THSD7A: variants seen among roughly 807,000 people sequenced by gnomAD.
The protein encoded by THSD7A is thrombospondin type 1 domain containing 7A.
THSD7A carries 96 observed loss-of-function variants against 231.3 expected under a neutral mutation model. That is an observed-to-expected ratio of 0.41 (90% confidence interval 0.35 to 0.49). THSD7A has a LOEUF of 0.49. THSD7A is among the 20% of genes least tolerant of loss of function. THSD7A has a pLI of 0.05. For missense variants in THSD7A, 2,290 were observed against 2,070.2 expected (o/e 1.11, Z -2.06); for synonymous variants, 940 against 743.3 (o/e 1.26, Z -4.30).
At chr7:11,519,262 G>A (rs559516244) in intron 6 of THSD7A, among the ~76,000 whole-genome samples, 1 of 152,086 alleles carries the variant, frequency 6.6e-6, no homozygotes. Context: ...ACTGCCCCGC[G>A]CCATCACAAC....
intron 1 of THSD7A, among the ~76,000 whole-genome samples, chr7:11,823,470 TC>T (rs36018110): frequency 0.029 from 4,424 of 152,148 alleles, 88 homozygotes; most frequent in Non-Finnish European, 0.045. Context: ...ATTTTAGGAT[TC>T]TTTTTTCTAA....
Position 11,412,510 on chromosome 7 carries a change from C to T in THSD7A, c.3682+146G>A, listed in dbSNP as rs1783820175. ...AAAAAACCCAGATAAGTATTTCTGT[C>T]ATTTAATATGTAATTATTTCTGGGA... On this transcript the variant is annotated intron_variant, in intron 18 of 27. Coordinates refer to ENST00000423059, the MANE Select transcript of THSD7A (RefSeq NM_015204.3). 4 of 954,062 alleles carry T rather than the reference C, an allele frequency of 4.2e-6. No homozygotes were observed. In the Admixed American group the frequency reaches 1.2e-4, roughly 29 times the overall value. The allele number at this position is 954,062 out of a possible 1,614,324, so 59.1% of individuals were successfully genotyped here.
intron 1 of THSD7A, among the ~76,000 whole-genome samples, chr7:11,752,304 CA>C (rs1293753187): frequency 6.6e-6 from 1 of 152,008 alleles, no homozygotes; most frequent in African/African-American, 2.4e-5. Context: ...AGTATTTTTC[CA>C]TGCCTCGACA....
intron 4 of THSD7A, among the ~76,000 whole-genome samples, chr7:11,565,046 C>T (rs1790248171): frequency 6.6e-6 from 1 of 152,074 alleles, no homozygotes; most frequent in East Asian, 1.9e-4. Flanking sequence ...TCTGTCTTTC[C>T]ATTTTTTCTA....
At chr7:11,653,810 CTAAAA>C (rs1782606209) in intron 1 of THSD7A, among the ~76,000 whole-genome samples, 1 of 151,854 alleles carries the variant, frequency 6.6e-6, no homozygotes, top group Non-Finnish European at 1.5e-5. Flanking sequence ...GTCATGTGCA[CTAAAA>C]TAAGTATCAA....
chr7:11,379,441 A>G (rs1281197498), intron 25 of THSD7A, 161 bp from the exon 26 acceptor site: 1 of 875,886 alleles, frequency 1.1e-6, no homozygotes, highest in Non-Finnish European at 1.7e-6. Flanking sequence ...TTTTGGCATT[A>G]TATGAAAATG....
intron 1 of THSD7A, among the ~76,000 whole-genome samples, chr7:11,657,384 G>A (rs1384971021): frequency 2.0e-5 from 3 of 151,768 alleles, no homozygotes; most frequent in African/African-American, 7.2e-5. Context: ...GCAAGTACGG[G>A]CTGTGTAAAT....
chr7:11,447,495 T>A, intron 11 of THSD7A, 71 bp from the exon 12 acceptor site: 1 of 1,302,590 alleles, frequency 7.7e-7, no homozygotes, highest in Non-Finnish European at 1.0e-6. Flanking sequence ...GAAGCTAACC[T>A]AACATTTGGT....
intron 1 of THSD7A, among the ~76,000 whole-genome samples, chr7:11,769,136 TATATATATA>T (rs1783131180): frequency 1.1e-4 from 6 of 52,362 alleles, no homozygotes; most frequent in African/African-American, 1.8e-4. Context: ...TATATATATA[TATATATATA>T]TATATATATT....
intron 4 of THSD7A, among the ~76,000 whole-genome samples, chr7:11,550,797 C>G (rs1166504446): frequency 2.0e-5 from 3 of 152,092 alleles, no homozygotes; most frequent in Non-Finnish European, 4.4e-5. Context: ...AGATCCAGTT[C>G]TATTCCTATC....
Position 11,750,568 on chromosome 7 carries a change from C to G in THSD7A, c.190+81189G>C, listed in dbSNP as rs1253440832. ...AACCCAATAGTCTGATTTGCAGACA[C>G]GAGATTACCATGGGGACCCCAATCA... is the stretch of plus-strand genomic sequence containing the variant. On this transcript the variant is annotated intron_variant, in intron 1 of 27. Coordinates refer to ENST00000423059, the MANE Select transcript of THSD7A (RefSeq NM_015204.3). 3.3e-5 allele frequency among the ~76,000 whole-genome samples: 5 copies of G among 151,980 alleles called. No homozygotes were observed. The East Asian group carries it at 7.8e-4, about 24-fold the overall frequency.
At position 11,411,715 on chromosome 7, in the gene THSD7A, G is replaced by A. The variant is rs567665938; in HGVS notation, c.3683-393C>T. Among the ~76,000 whole-genome samples, 54 of 152,256 alleles carry A rather than the reference G, an allele frequency of 3.5e-4. No individual in the cohort carries two copies. The highest frequency in any genetic ancestry group is 1.3e-3 in the African/African-American group (53 of 41,552). ...AATTGTGACAGACGGTACTTTAACT[G>A]TGTAGTTATATTCAGATAAAACATA... On this transcript the variant is annotated intron_variant, in intron 18 of 27. Coordinates refer to ENST00000423059, the MANE Select transcript of THSD7A (RefSeq NM_015204.3). This position sits in a 1 kb window ranked among gnomAD's most constrained non-coding sequence, Gnocchi z 4.1.
In THSD7A at chr7:11,424,782, C is replaced by T; in HGVS notation, c.3297G>A (p.Trp1099Ter). ...PCHSDCNQYL[W>*]VTEPWSICKV... ...TGCAGATGCTCCAGGGCTCTGTGAC[C>T]CATAGGTACTGGTTGCAGTCACTGT... Residue 1099 changes from tryptophan to a stop codon, truncating the protein, a stop_gained, in exon 16 of 28, where the codon TGG becomes TGA. Coordinates refer to ENST00000423059, the MANE Select transcript of THSD7A (RefSeq NM_015204.3). LOFTEE classifies it high-confidence loss of function. 1 of 1,613,946 alleles carries T rather than the reference C, an allele frequency of 6.2e-7. No individual in the cohort carries two copies. Among genetic ancestry groups the T allele is most frequent in the Non-Finnish European group, 8.5e-7 (1 of 1,179,878 alleles).
At chr7:11,502,928 T>G (rs921900260) in intron 6 of THSD7A, among the ~76,000 whole-genome samples, 1 of 152,098 alleles carries the variant, frequency 6.6e-6, no homozygotes. Flanking sequence ...ATCAATAACA[T>G]TCTTGACATT....
rs111403146 is a variant in THSD7A at position 11,831,711 on chromosome 7, G to A, written c.190+46C>T. On this transcript the variant is annotated intron_variant, in intron 1 of 27. Coordinates refer to ENST00000423059, the MANE Select transcript of THSD7A (RefSeq NM_015204.3). This position sits in a 1 kb window ranked among gnomAD's most constrained non-coding sequence, Gnocchi z 5.0. ...CAGAAGCCCACCAGCTCCTTAATGT[G>A]GCCCCAGATGTGAAGATGGGGAAAG... 9.1e-6 allele frequency: 12 copies of A among 1,317,204 alleles called. No individual in the cohort carries two copies. The African/African-American group carries it at 9.1e-5, about 10-fold the overall frequency. 81.6% of individuals were successfully genotyped at this position (1,317,204 alleles called of 1,614,324 possible). A position where few individuals can be genotyped will look rare whatever the true frequency, so the allele number is the denominator to read the frequency against.
In THSD7A at chr7:11,372,397, T is replaced by C. The variant is rs1782090283; in HGVS notation, c.*3397A>G. 6.6e-6 allele frequency: 1 copy of C among 151,798 alleles called. No individual in the cohort carries two copies. The highest frequency in any genetic ancestry group is 6.6e-5 in the Admixed American group (1 of 15,196). The allele number at this position is 151,798 out of a possible 1,614,324, so 9.4% of individuals were successfully genotyped here. On this transcript the variant is annotated 3_prime_UTR_variant, in exon 28 of 28. Coordinates refer to ENST00000423059, the MANE Select transcript of THSD7A (RefSeq NM_015204.3). ...CTTATATGTCAATAAATATTTGCCT[T>C]GTTAGAAGTAATTTGTGCTTTGTTA... is the stretch of plus-strand genomic sequence containing the variant.
rs146694548 is a variant in THSD7A at position 11,527,115 on chromosome 7, C to T, written c.1822+14304G>A. ...TCTCTAATGGAATGCATACCATAGC[C>T]ATTTCCTGGGTTGTGTATCCTAGAG... On this transcript the variant is annotated intron_variant, in intron 6 of 27. Transcript: ENST00000423059. Among the ~76,000 whole-genome samples, 905 of 152,214 alleles carry T rather than the reference C, an allele frequency of 5.9e-3. 11 individuals are homozygous for T. Among genetic ancestry groups the T allele is most frequent in the African/African-American group, 0.021 (861 of 41,548 alleles).
chr7:11,829,802 TAA>T (rs36013878), intron 1 of THSD7A, among the ~76,000 whole-genome samples: 6 of 142,672 alleles, frequency 4.2e-5, no homozygotes, highest in Admixed American at 7.0e-5. Context: ...TTCCCTTTGG[TAA>T]AAAAAAAAAA....
intron 6 of THSD7A, among the ~76,000 whole-genome samples, chr7:11,536,461 G>A (rs1210072172): frequency 2.0e-5 from 3 of 152,044 alleles, no homozygotes; most frequent in African/African-American, 7.2e-5. Flanking sequence ...TGGCCAATAT[G>A]GAGAATTGGA....
Sources: gnomAD v4.1 joint callset for allele counts (sites outside exome capture counted in the v4.1 genomes callset) on GRCh38, gnomAD v4.1.1 for gene constraint, Gnocchi (gnomAD v3.1) non-coding constraint, MANE v1.5 for transcripts, NCBI Gene and HGNC (gene_info 2026-07-23, HGNC 2026-07-21) for gene names.